SLC45A4: variants seen among roughly 807,000 people sequenced by gnomAD.
The protein encoded by SLC45A4 is polyamine-transporter SLC45A4.
Under a neutral mutation model 63.7 loss-of-function variants are expected in SLC45A4, and 32 were observed. The ratio of observed to expected loss-of-function variants is 0.50; its 90% CI spans 0.38 to 0.67. The LOEUF (loss-of-function observed/expected upper bound fraction) is 0.67. Ranked by LOEUF, SLC45A4 falls within the 30% of genes least tolerant of loss-of-function variation. The probability of loss-of-function intolerance (pLI) is 0.00; values close to 1 mark genes in which losing one functional copy is unlikely to be tolerated. For missense variants in SLC45A4, 1,027 were observed against 1,157.7 expected (o/e 0.89, Z 1.64); for synonymous variants, 535 against 510.0 (o/e 1.05, Z -0.66).
chr8:141,290,327 A>G (rs1226368176), intron 1 of SLC45A4, among the ~76,000 whole-genome samples: 1 of 151,962 alleles, frequency 6.6e-6, no homozygotes, highest in Non-Finnish European at 1.5e-5. Flanking sequence ...CGCAGCTCCA[A>G]GCCCGGCCCT....
At chr8:141,291,632 C>G (rs1009426836) in intron 1 of SLC45A4, among the ~76,000 whole-genome samples, 1 of 152,078 alleles carries the variant, frequency 6.6e-6, no homozygotes, top group Non-Finnish European at 1.5e-5. Context: ...AGAACTGATC[C>G]AAGAGGAATG....
chr8:141,286,485 T>C (rs1830150807), intron 1 of SLC45A4, among the ~76,000 whole-genome samples: 1 of 152,202 alleles, frequency 6.6e-6, no homozygotes, highest in African/African-American at 2.4e-5. Flanking sequence ...CTTAAACCAC[T>C]TGAAACCCTT....
intron 1 of SLC45A4, among the ~76,000 whole-genome samples, chr8:141,265,909 G>A (rs960450023): frequency 1.3e-5 from 2 of 152,234 alleles, no homozygotes; most frequent in Admixed American, 6.5e-5. Context: ...TCAGACAAGC[G>A]AAACTACAAT....
At chr8:141,217,210 G>C in intron 5 of SLC45A4, 21 bp from the exon 6 acceptor site, 2 of 1,610,038 alleles carry the variant, frequency 1.2e-6, no homozygotes, top group Non-Finnish European at 1.7e-6. Context: ...AATGAGACGG[G>C]GGCTGACGAG....
At chr8:141,237,295 A>G in intron 2 of SLC45A4, among the ~76,000 whole-genome samples, 1 of 152,120 alleles carries the variant, frequency 6.6e-6, no homozygotes, top group Non-Finnish European at 1.5e-5. Context: ...TGCCTGAAAC[A>G]CCACTCTGCA....
intron 1 of SLC45A4, among the ~76,000 whole-genome samples, chr8:141,280,528 G>A (rs1397944110): frequency 4.6e-5 from 7 of 152,094 alleles, no homozygotes; most frequent in African/African-American, 7.2e-5. Context: ...TGGGTCACGC[G>A]GGGCCCCTGC....
intron 2 of SLC45A4, among the ~76,000 whole-genome samples, chr8:141,242,722 G>A (rs77992315): frequency 6.6e-6 from 1 of 152,100 alleles, no homozygotes; most frequent in Non-Finnish European, 1.5e-5. Context: ...CTCACAGGCT[G>A]CTGGGAAGAG....
intron 1 of SLC45A4, among the ~76,000 whole-genome samples, chr8:141,277,105 C>T (rs968122791): frequency 2.0e-5 from 3 of 152,216 alleles, no homozygotes; most frequent in African/African-American, 2.4e-5. Flanking sequence ...GAGGAGCCCG[C>T]GCCGCCCTCT....
chr8:141,267,968 CCAAA>C (rs1444712627), intron 1 of SLC45A4, among the ~76,000 whole-genome samples: 1 of 152,200 alleles, frequency 6.6e-6, no homozygotes, highest in Non-Finnish European at 1.5e-5. Context: ...TTGGTATTTA[CCAAA>C]CAGAGCTGAG....
At position 141,229,961 on chromosome 8, in the gene SLC45A4, C is replaced by T; in HGVS notation, c.242-8196G>A. ...GCGCTGGACACTAGATCCCTGCCTG[C>T]ACTCCCGAGGCCGTGGTGCTCTGAT... is the stretch of plus-strand genomic sequence containing the variant. On this transcript the variant is annotated intron_variant, in intron 2 of 8. Coordinates refer to ENST00000517878, the MANE Select transcript of SLC45A4 (RefSeq NM_001286646.2). This position sits in a 1 kb window ranked among gnomAD's most constrained non-coding sequence, Gnocchi z 5.0. The T allele has an allele frequency of 2.3e-6, 1 of 428,156 alleles. No individual in the cohort carries two copies. The highest frequency in any genetic ancestry group is 1.7e-5 in the South Asian group (1 of 59,806). The allele number at this position is 428,156 out of a possible 1,614,324, so 26.5% of individuals were successfully genotyped here.
At chr8:141,241,818 C>T (rs1392217873) in intron 2 of SLC45A4, among the ~76,000 whole-genome samples, 4 of 152,260 alleles carry the variant, frequency 2.6e-5, no homozygotes, top group East Asian at 3.9e-4. Context: ...TGCTCTAGAG[C>T]GCCTTCAGAA....
At chr8:141,287,921 C>A (rs900168970) in intron 1 of SLC45A4, among the ~76,000 whole-genome samples, 15 of 152,198 alleles carry the variant, frequency 9.9e-5, no homozygotes, top group African/African-American at 3.6e-4. Context: ...AGCTCCATCT[C>A]GTACCCTCTT....
In SLC45A4 at chr8:141,210,824, G is replaced by C. The variant is rs1315416268; in HGVS notation, c.*748C>G. 2.6e-5 allele frequency: 4 copies of C among 152,228 alleles called. No homozygotes were observed. The highest frequency in any genetic ancestry group is 5.9e-5 in the Non-Finnish European group (4 of 68,044). The allele number at this position is 152,228 out of a possible 1,614,324, so 9.4% of individuals were successfully genotyped here. A position where few individuals can be genotyped will look rare whatever the true frequency, so the allele number is the denominator to read the frequency against. On this transcript the variant is annotated 3_prime_UTR_variant, in exon 9 of 9. Transcript: ENST00000517878. ...GATGTGCGGGGCCTCCCTGTCTCCT[G>C]ATCTCAGTAAGCCTACACCGACCGT...
At position 141,209,159 on chromosome 8, in the gene SLC45A4, C is replaced by T. The variant is rs1358723294; in HGVS notation, c.*2413G>A. On this transcript the variant is annotated 3_prime_UTR_variant, in exon 9 of 9. Transcript: ENST00000517878. ...CAGCCAGAGCACCTCCCCTTTGACA[C>T]TGACCGGCGTCCCCAGCCCCGCCTT... 6.6e-6 allele frequency: 1 copy of T among 152,518 alleles called. No individual in the cohort carries two copies. The highest frequency in any genetic ancestry group is 1.5e-5 in the Non-Finnish European group (1 of 68,234). 9.4% of individuals were successfully genotyped at this position (152,518 alleles called of 1,614,324 possible).
intron 1 of SLC45A4, among the ~76,000 whole-genome samples, chr8:141,299,617 A>G (rs879268990): frequency 6.6e-6 from 1 of 152,028 alleles, no homozygotes; most frequent in Non-Finnish European, 1.5e-5. Context: ...GGACTTCCAC[A>G]CTCCAAGCTT....
intron 1 of SLC45A4, among the ~76,000 whole-genome samples, chr8:141,287,323 ACAG>A (rs1429400685): frequency 2.6e-5 from 4 of 152,230 alleles, no homozygotes; most frequent in Non-Finnish European, 4.4e-5. Flanking sequence ...GATACTAACT[ACAG>A]CATCGTGACT....
At chr8:141,262,623 A>G (rs1317352287) in intron 1 of SLC45A4, among the ~76,000 whole-genome samples, 2 of 149,674 alleles carry the variant, frequency 1.3e-5, no homozygotes, top group Non-Finnish European at 1.5e-5. Flanking sequence ...AATGCTCATC[A>G]TCACTGGCCA....
rs1228022098 is a variant in SLC45A4, at chr8:141,227,615, C to A, written c.242-5850G>T. ...AGACACTGGGCCGGGGGAGCCGGGC[C>A]CCCAGGGCTCGGGCCACCTGCTTGC... On this transcript the variant is annotated intron_variant, in intron 2 of 8. Transcript: ENST00000517878. This position sits in a 1 kb window ranked among gnomAD's most constrained non-coding sequence, Gnocchi z 4.4. 6.6e-6 allele frequency among the ~76,000 whole-genome samples: 1 copy of A among 152,066 alleles called. No homozygotes were observed. Among genetic ancestry groups the A allele is most frequent in the Non-Finnish European group, 1.5e-5 (1 of 68,004 alleles).
intron 5 of SLC45A4, among the ~76,000 whole-genome samples, chr8:141,217,713 G>A (rs1347051554): frequency 6.6e-6 from 1 of 152,194 alleles, no homozygotes; most frequent in African/African-American, 2.4e-5. Flanking sequence ...TGCCGTTTTG[G>A]GGTAGTCTGA....
Sources: allele counts gnomAD v4.1 joint callset (sites outside exome capture counted in the v4.1 genomes callset), GRCh38; gene constraint gnomAD v4.1.1; non-coding constraint Gnocchi (gnomAD v3.1); transcripts MANE v1.5; gene names NCBI Gene and HGNC (gene_info 2026-07-23, HGNC 2026-07-21).